The following KIRREL3 variants were observed in gnomAD, a reference collection of about 807,000 sequenced individuals.
KIRREL3 encodes the protein kirre like nephrin family adhesion molecule 3.
A neutral mutation model predicts 89.7 loss-of-function variants in KIRREL3; 36 were observed. The ratio of observed to expected loss-of-function variants is 0.40; its 90% CI spans 0.31 to 0.53. KIRREL3 has a LOEUF of 0.53. Among genes scored for constraint, KIRREL3 ranks in the 20% least tolerant of loss-of-function variants. The pLI, the probability that KIRREL3 is intolerant of heterozygous loss-of-function variation, is 0.49. For synonymous variants in KIRREL3, 445 were observed against 441.4 expected, an observed-to-expected ratio of 1.01 and a Z score of -0.10; for missense variants, 864 against 1,056.6, an observed-to-expected ratio of 0.82 and a Z score of 2.53.
Position 126,748,094 on chromosome 11 carries a change from G to T in KIRREL3, c.56-185182C>A, listed in dbSNP as rs73018553. 6.6e-6 allele frequency among the ~76,000 whole-genome samples: 1 copy of T among 152,152 alleles called. No individual in the cohort carries two copies. Among genetic ancestry groups the T allele is most frequent in the Non-Finnish European group, 1.5e-5 (1 of 68,028 alleles). ...AATCTGAGGAGGTTCACCTTTTAAGGTGAAAATGGCCAGTCACTGAAAAGC... is the reference window on the plus strand; with the variant it reads ...AATCTGAGGAGGTTCACCTTTTAAGTTGAAAATGGCCAGTCACTGAAAAGC... On this transcript the variant is annotated intron_variant, in intron 1 of 16. Transcript: ENST00000525144. This position sits in a 1 kb window ranked among gnomAD's most constrained non-coding sequence, Gnocchi z 4.6.
rs1266210775 is a variant in KIRREL3 at position 126,989,337 on chromosome 11, G to T, written c.55+11118C>A. Among the ~76,000 whole-genome samples, 1 of 152,206 alleles carries T rather than the reference G, an allele frequency of 6.6e-6. No homozygotes were observed. Among genetic ancestry groups the T allele is most frequent in the Non-Finnish European group, 1.5e-5 (1 of 68,038 alleles). On this transcript the variant is annotated intron_variant, in intron 1 of 16. Coordinates refer to ENST00000525144, the MANE Select transcript of KIRREL3 (RefSeq NM_032531.4). This position sits in a 1 kb window ranked among gnomAD's most constrained non-coding sequence, Gnocchi z 6.2. ...CCAGAAAGGCTGGCACTGTGGGGACGAAGGGGGCAGTGGCAGCTCACCCTG... is the reference window on the plus strand; with the variant it reads ...CCAGAAAGGCTGGCACTGTGGGGACTAAGGGGGCAGTGGCAGCTCACCCTG...
rs959394547 is a variant in KIRREL3, at chr11:126,946,573, T to G, written c.55+53882A>C. ...ATTTGATTCATTTATTTAACATATC[T>G]TGAGAACATGTTTTATGTCAGTTAC... is the stretch of plus-strand genomic sequence containing the variant. On this transcript the variant is annotated intron_variant, in intron 1 of 16. Transcript: ENST00000525144. This position sits in a 1 kb window ranked among gnomAD's most constrained non-coding sequence, Gnocchi z 4.1. Among the ~76,000 whole-genome samples, 2 of 152,226 alleles carry G rather than the reference T, an allele frequency of 1.3e-5. No homozygotes were observed. Among genetic ancestry groups the G allele is most frequent in the African/African-American group, 4.8e-5 (2 of 41,458 alleles).
Position 126,655,191 on chromosome 11 carries a change from GA to G in KIRREL3, c.56-92280del. ...GGTTGGGGTACGGGGAAAGGGGTAAGAAAGGAGATTAGTCACTTGAGTCAGG... is the reference window on the plus strand; with the variant it reads ...GGTTGGGGTACGGGGAAAGGGGTAAGAAGGAGATTAGTCACTTGAGTCAGG... On this transcript the variant is annotated intron_variant, in intron 1 of 16. Coordinates refer to ENST00000525144, the MANE Select transcript of KIRREL3 (RefSeq NM_032531.4). This position sits in a 1 kb window ranked among gnomAD's most constrained non-coding sequence, Gnocchi z 5.0. Among the ~76,000 whole-genome samples, 1 of 152,248 alleles carries G rather than the reference GA, an allele frequency of 6.6e-6. No individual in the cohort carries two copies. Among genetic ancestry groups the G allele is most frequent in the Non-Finnish European group, 1.5e-5 (1 of 68,036 alleles).
In KIRREL3 at chr11:126,566,671, A is replaced by C. The variant is rs11604465; in HGVS notation, c.56-3759T>G. ...GAGAAATAAAAGGGGATGGCTTTTT[A>C]AATGGGATGGGTTTTCTTCCATTTC... is the stretch of plus-strand genomic sequence containing the variant. On this transcript the variant is annotated intron_variant, in intron 1 of 16. Transcript: ENST00000525144. The surrounding 1 kb of genome is among the most constrained non-coding windows in gnomAD (Gnocchi z 4.9). 0.025 allele frequency among the ~76,000 whole-genome samples: 3,836 copies of C among 152,308 alleles called. 91 individuals carry two copies. Among genetic ancestry groups the C allele is most frequent in the South Asian group, 0.041 (196 of 4,828 alleles).
rs1216824905 is a variant in KIRREL3 at position 126,763,588 on chromosome 11, C to T, written c.56-200676G>A. Among the ~76,000 whole-genome samples the T allele has an allele frequency of 6.6e-6, 1 of 152,164 alleles. No individual in the cohort carries two copies. The highest frequency in any genetic ancestry group is 2.4e-5 in the African/African-American group (1 of 41,424). ...AAGAAATGTGCCCAGGCTGAGGGACCAAGGCCCAGCGAGAGTAGGTGGTAG... is the reference window on the plus strand; with the variant it reads ...AAGAAATGTGCCCAGGCTGAGGGACTAAGGCCCAGCGAGAGTAGGTGGTAG... On this transcript the variant is annotated intron_variant, in intron 1 of 16. Coordinates refer to ENST00000525144, the MANE Select transcript of KIRREL3 (RefSeq NM_032531.4). The surrounding 1 kb of genome is among the most constrained non-coding windows in gnomAD (Gnocchi z 4.7).
intron 5 of KIRREL3, among the ~76,000 whole-genome samples, chr11:126,464,363 G>GA (rs1220492099): frequency 0.011 from 1,298 of 120,496 alleles, 15 homozygotes; most frequent in African/African-American, 0.034. Context: ...AAAAAAAAAA[G>GA]AAAAAAATTA....
At chr11:126,451,615 T>C (rs1956170321) in intron 7 of KIRREL3, among the ~76,000 whole-genome samples, 1 of 150,906 alleles carries the variant, frequency 6.6e-6, no homozygotes, top group African/African-American at 2.4e-5. Context: ...TGTGCATGTG[T>C]GCATGTGTGT....
intron 1 of KIRREL3, among the ~76,000 whole-genome samples, chr11:126,632,504 G>A (rs1456819585): frequency 1.3e-5 from 2 of 152,192 alleles, no homozygotes; most frequent in African/African-American, 4.8e-5. Context: ...AGGCAGCACT[G>A]AATAGCTTGT....
rs1477052791 is a variant in KIRREL3 at position 126,953,428 on chromosome 11, C to G, written c.55+47027G>C. Among the ~76,000 whole-genome samples, 1 of 152,088 alleles carries G rather than the reference C, an allele frequency of 6.6e-6. No individual in the cohort carries two copies. The highest frequency in any genetic ancestry group is 1.5e-5 in the Non-Finnish European group (1 of 68,020). ...GCAAACCATCATGGCATGTGTATAC[C>G]TTTGTAACAAACTGTACATTCTGCA... On this transcript the variant is annotated intron_variant, in intron 1 of 16. Coordinates refer to ENST00000525144, the MANE Select transcript of KIRREL3 (RefSeq NM_032531.4). This position sits in a 1 kb window ranked among gnomAD's most constrained non-coding sequence, Gnocchi z 5.2.
At chr11:126,915,956 C>G (rs1013683551) in intron 1 of KIRREL3, among the ~76,000 whole-genome samples, 3 of 152,180 alleles carry the variant, frequency 2.0e-5, no homozygotes, top group African/African-American at 7.2e-5. Flanking sequence ...CTCATCTGCT[C>G]TCTTCGTGCA....
Position 126,993,273 on chromosome 11 carries a change from A to G in KIRREL3, c.55+7182T>C, listed in dbSNP as rs1950087274. Among the ~76,000 whole-genome samples the G allele has an allele frequency of 6.6e-6, 1 of 152,172 alleles. No homozygotes were observed. ...ATAATGGCACCCATGGCCATTCACG[A>G]GTTGACTCTTCCCTTCCCAACCTTC... On this transcript the variant is annotated intron_variant, in intron 1 of 16. Transcript: ENST00000525144. This position sits in a 1 kb window ranked among gnomAD's most constrained non-coding sequence, Gnocchi z 6.1.
intron 6 of KIRREL3, among the ~76,000 whole-genome samples, chr11:126,457,445 A>ATGTG (rs753856346): frequency 6.7e-6 from 1 of 149,354 alleles, no homozygotes; most frequent in African/African-American, 2.5e-5. Context: ...GTGTATGTGT[A>ATGTG]TGTGTGTGTA....
At chr11:126,509,429 G>A (rs55800736) in intron 4 of KIRREL3, among the ~76,000 whole-genome samples, 22,029 of 152,156 alleles carry the variant, frequency 0.14, 1,733 homozygotes, top group Middle Eastern at 0.17. Context: ...ACCTTTTCAC[G>A]TTCTGTCCAA....
chr11:126,866,686 G>A (rs1007767395), intron 1 of KIRREL3, among the ~76,000 whole-genome samples: 2 of 150,882 alleles, frequency 1.3e-5, no homozygotes, highest in Non-Finnish European at 3.0e-5. Context: ...TAAAAACCCC[G>A]AGACCCTAGC....
At chr11:126,644,916 T>C (rs538429928) in intron 1 of KIRREL3, among the ~76,000 whole-genome samples, 49 of 152,300 alleles carry the variant, frequency 3.2e-4, no homozygotes, top group African/African-American at 1.1e-3. Context: ...TGACCAGCCC[T>C]CCTGACAAAC....
At chr11:126,793,820 G>A (rs188995367) in intron 1 of KIRREL3, among the ~76,000 whole-genome samples, 244 of 152,284 alleles carry the variant, frequency 1.6e-3, no homozygotes, top group African/African-American at 5.5e-3. Flanking sequence ...AAGAACTCGC[G>A]TTCCTCTGCA....
At chr11:126,582,616 G>A (rs1163698812) in intron 1 of KIRREL3, among the ~76,000 whole-genome samples, 3 of 152,188 alleles carry the variant, frequency 2.0e-5, no homozygotes, top group Non-Finnish European at 4.4e-5. Flanking sequence ...GTCAGGTGGG[G>A]AAGGGGTGAG....
Position 126,498,349 on chromosome 11 carries a change from C to T in KIRREL3, c.433+22966G>A, listed in dbSNP as rs1957740712. Among the ~76,000 whole-genome samples, 1 of 152,142 alleles carries T rather than the reference C, an allele frequency of 6.6e-6. No individual in the cohort carries two copies. Among genetic ancestry groups the T allele is most frequent in the African/African-American group, 2.4e-5 (1 of 41,438 alleles). ...TTAATCTAATTTGCTCATAACATTC[C>T]TCAGTAAACAGCAGCCTCTCTTTAA... On this transcript the variant is annotated intron_variant, in intron 4 of 16. Coordinates refer to ENST00000525144, the MANE Select transcript of KIRREL3 (RefSeq NM_032531.4). This position sits in a 1 kb window ranked among gnomAD's most constrained non-coding sequence, Gnocchi z 4.3.
intron 1 of KIRREL3, among the ~76,000 whole-genome samples, chr11:126,858,781 G>A (rs1413197356): frequency 6.6e-6 from 1 of 152,194 alleles, no homozygotes; most frequent in Non-Finnish European, 1.5e-5. Flanking sequence ...GATGCTAAGG[G>A]AAAGACTGTC....
Sources: allele counts gnomAD v4.1 joint callset (sites outside exome capture counted in the v4.1 genomes callset), GRCh38; gene constraint gnomAD v4.1.1; non-coding constraint Gnocchi (gnomAD v3.1); transcripts MANE v1.5; gene names NCBI Gene and HGNC (gene_info 2026-07-23, HGNC 2026-07-21).